OFD1: variants seen among roughly 807,000 people sequenced by gnomAD.
The protein encoded by OFD1 is centriole and centriolar satellite protein OFD1.
OFD1 carries 12 observed loss-of-function variants against 81.4 expected under a neutral mutation model. The ratio of observed to expected loss-of-function variants is 0.15; its 90% CI spans 0.09 to 0.24. The LOEUF (loss-of-function observed/expected upper bound fraction) is 0.24, where lower values mean the gene tolerates loss of function less well. OFD1 is among the 10% of genes least tolerant of loss of function. The pLI is 1.00. For synonymous variants in OFD1, 256 were observed against 263.7 expected (o/e 0.97, Z 0.28); for missense variants, 685 against 733.9 (o/e 0.93, Z 0.77).
At chrX:13,766,885 G>A (rs2048149163) in intron 19 of OFD1, among the ~76,000 whole-genome samples, 1 of 111,245 alleles carries the variant, frequency 9.0e-6, no homozygotes, top group South Asian at 3.8e-4. Flanking sequence ...GAGGACAGTT[G>A]GAGTTGGTTA....
At chrX:13,739,927 GTCTTTTAAA>G (rs2047024718) in intron 5 of OFD1, 2 of 752,168 alleles carry the variant, frequency 2.7e-6, no homozygotes, top group East Asian at 3.0e-4. Flanking sequence ...TATTCTTTAG[GTCTTTTAAA>G]ATAATCTGTT....
Position 13,761,780 on chromosome X carries a change from G to A in OFD1, c.2388-564G>A, listed in dbSNP as rs187429920. Among the ~76,000 whole-genome samples the A allele has an allele frequency of 5.9e-4, 66 of 111,111 alleles. 1 individual carries two copies. Among genetic ancestry groups the A allele is most frequent in the African/African-American group, 2.0e-3 (61 of 30,487 alleles). On this transcript the variant is annotated intron_variant, in intron 17 of 22. Transcript: ENST00000340096. ...AGCCAGGCTATGATTTGAGTCATGA[G>A]CAGACTCCTACCCATACCTGGGCCC... is the stretch of plus-strand genomic sequence containing the variant.
chrX:13,759,964 A>T, intron 15 of OFD1, 151 bp from the exon 16 acceptor site: 1 of 613,646 alleles, frequency 1.6e-6, no homozygotes, highest in Non-Finnish European at 2.7e-6. Context: ...AGTAAATGTT[A>T]GTGGTTATCG....
chrX:13,738,637 A>G (rs1436068154), intron 3 of OFD1: 3 of 376,604 alleles, frequency 8.0e-6, no homozygotes, highest in African/African-American at 5.1e-5. Context: ...ATTAGATGAT[A>G]AAGATATTTT....
chrX:13,742,458 A>G (rs755987416), intron 5 of OFD1, among the ~76,000 whole-genome samples: 1 of 112,388 alleles, frequency 8.9e-6, no homozygotes, highest in Non-Finnish European at 1.9e-5. Flanking sequence ...AGCAAGATAC[A>G]TGAAAGAAAA....
Position 13,762,444 on chromosome X carries a change from T to C in OFD1, c.2488T>C (p.Ser830Pro). ...DNEEFESSFESAGNMPRQLEM... is the reference protein window; with the variant it reads ...DNEEFESSFEPAGNMPRQLEM... ...TGAGGAGTTTGAATCATCTTTTGAA[T>C]GTAAGTTCAAATATAAATACCAGTT... The change falls in exon 18 of 23, where the codon TCT becomes CCT. Residue 830 changes from serine to proline, a missense_variant and splice_region_variant. This residue lies in a region of OFD1 where 259 missense variants were observed against 254.4 expected (regional missense o/e 1.02). Transcript: ENST00000340096. The C allele has an allele frequency of 1.8e-6, 2 of 1,103,562 alleles. No individual in the cohort carries two copies. The highest frequency in any genetic ancestry group is 1.8e-5 in the South Asian group (1 of 54,353). 90.9% of individuals were successfully genotyped at this position (1,103,562 alleles called of 1,213,427 possible).
downstream of OFD1, chrX:13,769,471 C>T (rs991775987): frequency 6.0e-5 from 10 of 166,489 alleles, no homozygotes; most frequent in Non-Finnish European, 3.4e-5. Flanking sequence ...GGGCTGCCAC[C>T]TGTAAAACAG....
chrX:13,753,025 T>C, intron 10 of OFD1: 7 of 900,091 alleles, frequency 7.8e-6, no homozygotes, highest in Non-Finnish European at 9.6e-6. Flanking sequence ...TGGGATTGAG[T>C]CTGTTGTGTG....
chrX:13,716,134 AAGC>A, the OFD1 span: 2 of 1,130,992 alleles, frequency 1.8e-6, no homozygotes, highest in Middle Eastern at 3.4e-4. Context: ...GAAAAACAAA[AAGC>A]AACCAGTTCG....
rs755502299 is a variant in OFD1 at position 13,736,724 on chromosome X, C to G, written c.312+46C>G. Reference sequence around the variant, plus strand: ...TTTCTGAAGTTTTTATTAACAGGTTCTTCCTCTGCTGACAGTAAAGTGCTG... The same window carrying G: ...TTTCTGAAGTTTTTATTAACAGGTTGTTCCTCTGCTGACAGTAAAGTGCTG... On this transcript the variant is annotated intron_variant, in intron 3 of 22. Coordinates refer to ENST00000340096, the MANE Select transcript of OFD1 (RefSeq NM_003611.3). The G allele has an allele frequency of 5.0e-6, 5 of 1,007,108 alleles. No individual in the cohort carries two copies. The East Asian group carries it at 1.5e-4, about 31-fold the overall frequency. The allele number at this position is 1,007,108 out of a possible 1,213,427, so 83.0% of individuals were successfully genotyped here.
intron 5 of OFD1, among the ~76,000 whole-genome samples, chrX:13,743,138 C>T (rs2047170529): frequency 2.7e-5 from 3 of 112,424 alleles, no homozygotes; most frequent in Middle Eastern, 4.6e-3. Context: ...TCTCTAATCT[C>T]ACGCTCCACT....
chrX:13,715,958 C>T, the OFD1 span: 32 of 1,139,350 alleles, frequency 2.8e-5, no homozygotes, highest in Middle Eastern at 4.9e-4. Flanking sequence ...TGACAAAGGT[C>T]GAATCCTTTC....
At chrX:13,742,748 C>T (rs969716951) in intron 5 of OFD1, among the ~76,000 whole-genome samples, 1 of 111,497 alleles carries the variant, frequency 9.0e-6, no homozygotes, top group South Asian at 3.8e-4. Flanking sequence ...TGGTCTCGAT[C>T]CCCTGACCTC....
chrX:13,719,738 C>A, the OFD1 span: 1 of 475,827 alleles, frequency 2.1e-6, no homozygotes, highest in East Asian at 3.9e-5. Context: ...TGGCTGGCTT[C>A]TATCAGTCTG....
intron 13 of OFD1, 28 bp downstream of exon 13, chrX:13,756,795 G>A: frequency 9.1e-7 from 1 of 1,100,913 alleles, no homozygotes; most frequent in Non-Finnish European, 1.3e-6. Flanking sequence ...CTTCTGACTT[G>A]CGTGTTTTAG....
the OFD1 span, among the ~76,000 whole-genome samples, chrX:13,717,449 A>C: frequency 8.9e-6 from 1 of 112,212 alleles, no homozygotes; most frequent in African/African-American, 3.2e-5. Flanking sequence ...TTCTTTGAAA[A>C]TACATTTTTT....
At chrX:13,716,633 C>T in the OFD1 span, 3 of 1,210,044 alleles carry the variant, frequency 2.5e-6, no homozygotes, top group South Asian at 1.8e-5. Flanking sequence ...TCTACGAGGT[C>T]GAGAGCAGCA....
At chrX:13,722,899 T>TAAAAATACAAAA in the OFD1 span, among the ~76,000 whole-genome samples, 2 of 110,401 alleles carry the variant, frequency 1.8e-5, no homozygotes, top group African/African-American at 6.6e-5. Context: ...CCATCTCTAC[T>TAAAAATACAAAA]AAAAATACAA....
At chrX:13,748,228 A>G (rs1174952269) in intron 8 of OFD1, among the ~76,000 whole-genome samples, 1 of 112,561 alleles carries the variant, frequency 8.9e-6, no homozygotes, top group Non-Finnish European at 1.9e-5. Context: ...TCAACCTTCA[A>G]GATAGGTGAC....
Sources: allele counts gnomAD v4.1 joint callset (sites outside exome capture counted in the v4.1 genomes callset), GRCh38; gene constraint gnomAD v4.1.1; regional missense constraint gnomAD v4.1.1; transcripts MANE v1.5; gene names NCBI Gene and HGNC (gene_info 2026-07-23, HGNC 2026-07-21).